Variants in GCC2 observed in about 807,000 individuals in gnomAD.
GCC2 encodes GRIP and coiled-coil domain containing 2.
A neutral mutation model predicts 210.6 loss-of-function variants in GCC2; 120 were observed. The ratio of observed to expected loss-of-function variants is 0.57; its 90% CI spans 0.49 to 0.66. The LOEUF (loss-of-function observed/expected upper bound fraction) is 0.66, where lower values mean the gene tolerates loss of function less well. Ranked by LOEUF, GCC2 falls within the 30% of genes least tolerant of loss-of-function variation. The pLI is 0.00. For synonymous variants in GCC2, 703 were observed against 652.7 expected (o/e 1.08, Z -1.17); for missense variants, 1,868 against 1,871.9 (o/e 1.00, Z 0.04).
chr2:108,502,721 T>A (rs548729994), intron 22 of GCC2, among the ~76,000 whole-genome samples: 1 of 151,964 alleles, frequency 6.6e-6, no homozygotes, highest in Non-Finnish European at 1.5e-5. Flanking sequence ...CCAGGAGTTC[T>A]AGACCAGCCT....
intron 9 of GCC2, among the ~76,000 whole-genome samples, chr2:108,476,730 G>A (rs1348876855): frequency 1.3e-5 from 2 of 152,178 alleles, no homozygotes; most frequent in African/African-American, 4.8e-5. Context: ...TTATGTGGCA[G>A]ACTGACTTCT....
rs1390937360 is a variant in GCC2 at position 108,485,829 on chromosome 2, A to C, written c.3715-2A>C. ...AATTTAACCAAGATTCTCATTCTAT[A>C]GGAAACTGATCACTTAATACTTCAA... On this transcript the variant is annotated splice_acceptor_variant, in intron 14 of 22. Coordinates refer to ENST00000309863, the MANE Select transcript of GCC2 (RefSeq NM_181453.4). LOFTEE classifies it high-confidence loss of function. The C allele has an allele frequency of 6.4e-7, 1 of 1,564,438 alleles. No homozygotes were observed.
intron 12 of GCC2, 48 bp downstream of exon 12, chr2:108,483,214 C>G (rs761489842): frequency 2.3e-5 from 22 of 948,062 alleles, no homozygotes; most frequent in Admixed American, 3.9e-5. Flanking sequence ...TCACATTGTT[C>G]TGTTTTGTTG....
At chr2:108,468,491 T>C (rs570214033) in intron 4 of GCC2, among the ~76,000 whole-genome samples, 101 of 152,336 alleles carry the variant, frequency 6.6e-4, no homozygotes, top group Middle Eastern at 3.4e-3. Flanking sequence ...TATTGATTTT[T>C]TTTTCCATCT....
At chr2:108,500,266 C>T (rs1337670181) in intron 22 of GCC2, among the ~76,000 whole-genome samples, 1 of 152,088 alleles carries the variant, frequency 6.6e-6, no homozygotes, top group Non-Finnish European at 1.5e-5. Flanking sequence ...TATAATCCCA[C>T]CACTTTGGGA....
Position 108,484,218 on chromosome 2 carries a change from C to T in GCC2, c.3520C>T (p.Gln1174Ter). 2 of 1,584,134 alleles carry T rather than the reference C, an allele frequency of 1.3e-6. No homozygotes were observed. Among genetic ancestry groups the T allele is most frequent in the Non-Finnish European group, 1.7e-6 (2 of 1,164,468 alleles). The stretch of plus-strand genomic sequence containing the variant: ...TGAACGTTTGATGAAAGAACTAAAT[C>T]AAAAGTTAACTAATAAAAACAACAA... Reference protein sequence around the residue: ...DYERLMKELNQKLTNKNNKIE... With the variant: ...DYERLMKELN The change falls in exon 13 of 23, where the codon CAA (glutamine) becomes TAA (stop). Residue 1174 changes from glutamine to a stop codon, truncating the protein, a stop_gained. Coordinates refer to ENST00000309863, the MANE Select transcript of GCC2 (RefSeq NM_181453.4). LOFTEE classifies it high-confidence loss of function.
intron 9 of GCC2, among the ~76,000 whole-genome samples, chr2:108,478,652 T>A (rs1681668801): frequency 6.6e-6 from 1 of 152,222 alleles, no homozygotes; most frequent in African/African-American, 2.4e-5. Flanking sequence ...TTAGGAATAA[T>A]ACTTGATTAA....
chr2:108,483,595 T>G (rs1276995852), intron 12 of GCC2, among the ~76,000 whole-genome samples: 1 of 152,202 alleles, frequency 6.6e-6, no homozygotes, highest in Non-Finnish European at 1.5e-5. Context: ...ACTAAAATAA[T>G]GCTTTATAAA....
intron 15 of GCC2, 24 bp downstream of exon 15, chr2:108,485,932 T>C: frequency 7.7e-7 from 1 of 1,297,610 alleles, no homozygotes; most frequent in Non-Finnish European, 1.1e-6. Context: ...TTTTTAAGAT[T>C]AAAAAAATGT....
rs551531243 is a variant in GCC2, at chr2:108,453,738, T to C, written c.216+1272T>C. Among the ~76,000 whole-genome samples the C allele has an allele frequency of 2.6e-5, 4 of 151,400 alleles. No homozygotes were observed. The South Asian group carries it at 8.3e-4, about 32-fold the overall frequency. On this transcript the variant is annotated intron_variant, in intron 4 of 22. Transcript: ENST00000309863. ...AGGCAGAAGTTGCAATGAGTTGAGA[T>C]TGAGCCACTGTACTCCAGCCTGGGC...
At chr2:108,477,062 T>G (rs1199519911) in intron 9 of GCC2, among the ~76,000 whole-genome samples, 3 of 152,188 alleles carry the variant, frequency 2.0e-5, no homozygotes, top group African/African-American at 7.2e-5. Context: ...TTATAAATTC[T>G]AAGAGAAATT....
intron 3 of GCC2, among the ~76,000 whole-genome samples, chr2:108,451,360 G>A (rs755532308): frequency 5.3e-5 from 8 of 152,176 alleles, no homozygotes; most frequent in South Asian, 2.1e-4. Context: ...TAAAGTTTGT[G>A]TAAGTTAAGT....
rs1164577647 is a variant in GCC2 at position 108,485,639 on chromosome 2, C to T, written c.3617C>T (p.Ser1206Leu). ...CTGAAATTATTTCTTGTGCTAGCTT[C>T]ATTACAGTCTTCAGTACAACAATAT... is the stretch of plus-strand genomic sequence containing the variant. ...KQETLQEEIT[S>L]LQSSVQQYEE... The change falls in exon 14 of 23, where the codon TCA (serine) becomes TTA (leucine). Residue 1206 changes from serine (S) to leucine (L), a missense_variant. Ser to Leu is a moderately radical substitution (Grantham distance 145). Around this residue, in one of 3 missense-constraint regions of GCC2, gnomAD observed 1,847 missense variants for 1,765.2 expected, o/e 1.05. Coordinates refer to ENST00000309863, the MANE Select transcript of GCC2 (RefSeq NM_181453.4). 3 of 1,494,832 alleles carry T rather than the reference C, an allele frequency of 2.0e-6. No homozygotes were observed. Among genetic ancestry groups the T allele is most frequent in the Non-Finnish European group, 2.7e-6 (3 of 1,105,572 alleles). The allele number at this position is 1,494,832 out of a possible 1,614,324, so 92.6% of individuals were successfully genotyped here. A position where few individuals can be genotyped will look rare whatever the true frequency, so the allele number is the denominator to read the frequency against.
chr2:108,496,999 A>C lies in GCC2; in HGVS notation c.4672A>C (p.Lys1558Gln), dbSNP rs748351323. Residue 1558 changes from lysine (K) to glutamine (Q), a missense_variant, in exon 21 of 23, where the codon AAA (lysine) becomes CAA (glutamine). Transcript: ENST00000309863. Reference protein sequence around the residue: ...EPPLWHAEFTKEELVQKLSST... With the variant: ...EPPLWHAEFTQEELVQKLSST... ...TCCATTATGGCATGCTGAATTTACCAAAGAAGAATTGGTTCAGAAGCTCAG... is the reference window on the plus strand; with the variant it reads ...TCCATTATGGCATGCTGAATTTACCCAAGAAGAATTGGTTCAGAAGCTCAG... The C allele has an allele frequency of 1.9e-6, 3 of 1,612,082 alleles. No individual in the cohort carries two copies. The highest frequency in any genetic ancestry group is 2.5e-6 in the Non-Finnish European group (3 of 1,179,874).
intron 19 of GCC2, 118 bp from the exon 20 acceptor site, chr2:108,495,173 G>A (rs1682586993): frequency 3.4e-6 from 2 of 585,826 alleles, no homozygotes; most frequent in Non-Finnish European, 5.9e-6. Context: ...TTATCTTATA[G>A]TTACTTAATT....
chr2:108,490,102 G>A lies in GCC2; in HGVS notation c.4229+88G>A, dbSNP rs1682339563. On this transcript the variant is annotated intron_variant, in intron 18 of 22. Transcript: ENST00000309863. Reference sequence around the variant, plus strand: ...TAATATGTTGATCCTTGAGATAAATGCAGATTAGAAAATAAAAAATAGACA... The same window carrying A: ...TAATATGTTGATCCTTGAGATAAATACAGATTAGAAAATAAAAAATAGACA... The A allele has an allele frequency of 7.5e-6, 7 of 932,540 alleles. No individual in the cohort carries two copies. The South Asian group carries it at 1.9e-4, about 26-fold the overall frequency. 57.8% of individuals were successfully genotyped at this position (932,540 alleles called of 1,614,324 possible).
rs191856499 is a variant in GCC2 at position 108,458,238 on chromosome 2, A to T, written c.216+5772A>T. Among the ~76,000 whole-genome samples the T allele has an allele frequency of 1.5e-3, 223 of 152,166 alleles. 1 individual carries two copies. Among genetic ancestry groups the T allele is most frequent in the Non-Finnish European group, 2.1e-3 (143 of 68,000 alleles). On this transcript the variant is annotated intron_variant, in intron 4 of 22. Transcript: ENST00000309863. The stretch of plus-strand genomic sequence containing the variant: ...TGTCACATTGATTTGCATATATTGA[A>T]CCATCCTTGCATCCCTCGAATAAAT...
rs1558744710 is a variant in GCC2 at position 108,476,054 on chromosome 2, C to CCTTTTTTTTTTTTTTTTTTTTTTTT, written c.3060+204_3060+205insCTTTTTTTTTTTTTTTTTTTTTTTT. Among the ~76,000 whole-genome samples the CCTTTTTTTTTTTTTTTTTTTTTTTT allele has an allele frequency of 4.2e-5, 4 of 96,328 alleles. 2 individuals carry two copies. The highest frequency in any genetic ancestry group is 6.6e-4 in the South Asian group (2 of 3,028). The allele number at this position is 96,328 out of a possible 152,430, so 63.2% of individuals were successfully genotyped here. A position where few individuals can be genotyped will look rare whatever the true frequency, so the allele number is the denominator to read the frequency against. On this transcript the variant is annotated intron_variant, in intron 9 of 22. Coordinates refer to ENST00000309863, the MANE Select transcript of GCC2 (RefSeq NM_181453.4). ...TGGTTAAGCTTTAAATAGTGGCTTG[C>CCTTTTTTTTTTTTTTTTTTTTTTTT]TTTTTTTTTTTTTTTTTTTTTTTTT...
chr2:108,472,217 T>C (rs1404097137), intron 6 of GCC2, 101 bp downstream of exon 6: 2 of 841,440 alleles, frequency 2.4e-6, no homozygotes, highest in Non-Finnish European at 1.7e-6. Context: ...AAGTAAATTT[T>C]TACCATTTAA....
Sources: allele counts gnomAD v4.1 joint callset (sites outside exome capture counted in the v4.1 genomes callset), GRCh38; gene constraint gnomAD v4.1.1; regional missense constraint gnomAD v4.1.1; transcripts MANE v1.5; gene names NCBI Gene and HGNC (gene_info 2026-07-23, HGNC 2026-07-21).